CFTR: variants seen among roughly 807,000 people sequenced by gnomAD.
CFTR encodes the protein cystic fibrosis transmembrane conductance regulator.
Under a neutral mutation model 171.6 loss-of-function variants are expected in CFTR, and 181 were observed. That is an observed-to-expected ratio of 1.05 (90% confidence interval 0.93 to 1.19). CFTR has a LOEUF of 1.19. Ranked by LOEUF, CFTR falls within the 50% of genes most tolerant of loss-of-function variation. The pLI, the probability that CFTR is intolerant of heterozygous loss-of-function variation, is 0.00. For missense variants in CFTR, 1,968 were observed against 1,734.7 expected, an observed-to-expected ratio of 1.13 and a Z score of -2.39; for synonymous variants, 583 against 608.0, an observed-to-expected ratio of 0.96 and a Z score of 0.60.
At chr7:117,587,396 G>C (rs1791952731) in intron 11 of CFTR, among the ~76,000 whole-genome samples, 1 of 151,868 alleles carries the variant, frequency 6.6e-6, no homozygotes, top group Non-Finnish European at 1.5e-5. Context: ...TTAGTATGTT[G>C]ATAACATTTG....
intron 24 of CFTR, among the ~76,000 whole-genome samples, chr7:117,660,367 C>T (rs1260197283): frequency 6.6e-6 from 1 of 152,024 alleles, no homozygotes; most frequent in African/African-American, 2.4e-5. Flanking sequence ...CGCAGTGGCT[C>T]ACACTTGTAA....
intron 23 of CFTR, among the ~76,000 whole-genome samples, chr7:117,651,843 G>A (rs1364092503): frequency 1.3e-5 from 2 of 152,062 alleles, no homozygotes; most frequent in Admixed American, 6.6e-5. Flanking sequence ...TGACTTGTGT[G>A]GTTCCTTGTG....
chr7:117,640,854 T>C (rs915969432), intron 22 of CFTR, among the ~76,000 whole-genome samples: 1 of 152,176 alleles, frequency 6.6e-6, no homozygotes, highest in African/African-American at 2.4e-5. Flanking sequence ...CATAAATCCA[T>C]CCATTCTTCC....
chr7:117,606,749 T>C lies in CFTR; in HGVS notation c.2984T>C (p.Ile995Thr). 1 of 1,536,764 alleles carries C rather than the reference T, an allele frequency of 6.5e-7. No individual in the cohort carries two copies. The highest frequency in any genetic ancestry group is 9.0e-7 in the Non-Finnish European group (1 of 1,110,038). ...DLLPLTIFDFIQLLLIVIGAI... is the reference protein window; with the variant it reads ...DLLPLTIFDFTQLLLIVIGAI... ...CTGCCTCTTACCATATTTGACTTCA[T>C]CCAGGTATGTAAAAATAAGTACCGT... is the stretch of plus-strand genomic sequence containing the variant. The change falls in exon 18 of 27, where the codon ATC becomes ACC. Residue 995 changes from isoleucine to threonine, a missense_variant. Ile to Thr is a moderately conservative substitution (Grantham distance 89). Coordinates refer to ENST00000003084, the MANE Select transcript of CFTR (RefSeq NM_000492.4).
intron 3 of CFTR, among the ~76,000 whole-genome samples, chr7:117,516,451 T>C (rs1003470174): frequency 1.3e-5 from 2 of 152,172 alleles, no homozygotes; most frequent in Non-Finnish European, 2.9e-5. Flanking sequence ...AGATAAATGG[T>C]ATTTATCTTA....
chr7:117,606,131 T>C (rs1792296802), intron 17 of CFTR, among the ~76,000 whole-genome samples: 1 of 151,958 alleles, frequency 6.6e-6, no homozygotes, highest in Non-Finnish European at 1.5e-5. Context: ...AGATGACAGG[T>C]TGAAATGTAG....
chr7:117,561,308 T>C (rs896929489), intron 11 of CFTR, among the ~76,000 whole-genome samples: 1 of 145,210 alleles, frequency 6.9e-6, no homozygotes, highest in Admixed American at 6.8e-5. Flanking sequence ...AGGAAGAACA[T>C]CTTTTTTTTT....
intron 23 of CFTR, among the ~76,000 whole-genome samples, chr7:117,649,512 TA>T (rs200487379): frequency 0.025 from 3,351 of 132,670 alleles, 109 homozygotes; most frequent in African/African-American, 0.078. Flanking sequence ...TATATATATA[TA>T]TATATATTTT....
At chr7:117,623,548 TA>T (rs1792611280) in intron 21 of CFTR, among the ~76,000 whole-genome samples, 2 of 152,190 alleles carry the variant, frequency 1.3e-5, no homozygotes, top group South Asian at 4.1e-4. Context: ...TAAGTGAGGT[TA>T]AAAGCTCAAT....
At chr7:117,540,837 G>T (rs1799040271) in intron 8 of CFTR, among the ~76,000 whole-genome samples, 1 of 152,132 alleles carries the variant, frequency 6.6e-6, no homozygotes, top group Non-Finnish European at 1.5e-5. Flanking sequence ...GTTGCAAATG[G>T]TGTCCCATAG....
Position 117,559,655 on chromosome 7 carries a change from G to T in CFTR, c.1584G>T (p.Glu528Asp), listed in dbSNP as rs1800095. ...RSVIKACQLE[E>D]DISKFAEKDN... The stretch of plus-strand genomic sequence containing the variant: ...TCATCAAAGCATGCCAACTAGAAGA[G>T]GTAAGAAACTATGTGAAAACTTTTT... The change falls in exon 11 of 27, where the codon GAG becomes GAT. Residue 528 changes from glutamate to aspartate, a missense_variant and splice_region_variant. Glu to Asp is a conservative substitution (Grantham distance 45). Coordinates refer to ENST00000003084, the MANE Select transcript of CFTR (RefSeq NM_000492.4). 1.9e-6 allele frequency: 3 copies of T among 1,609,882 alleles called. No individual in the cohort carries two copies. In the Admixed American group the frequency reaches 5.0e-5, roughly 27 times the overall value.
At chr7:117,558,426 T>C (rs1026908340) in intron 10 of CFTR, among the ~76,000 whole-genome samples, 1 of 151,942 alleles carries the variant, frequency 6.6e-6, no homozygotes, top group African/African-American at 2.4e-5. Context: ...TGATGGCGGG[T>C]GCCCGTAGTC....
At chr7:117,607,100 C>T (rs1012754639) in intron 18 of CFTR, among the ~76,000 whole-genome samples, 5 of 152,020 alleles carry the variant, frequency 3.3e-5, no homozygotes, top group African/African-American at 1.2e-4. Flanking sequence ...AAGCCAACCT[C>T]CCCCCAAAAG....
At chr7:117,661,632 T>C (rs759869047) in intron 24 of CFTR, among the ~76,000 whole-genome samples, 1 of 152,084 alleles carries the variant, frequency 6.6e-6, no homozygotes, top group Non-Finnish European at 1.5e-5. Context: ...TGAAGGAAAA[T>C]TTTTACAAAG....
At chr7:117,615,423 T>G (rs1792470780) in intron 21 of CFTR, among the ~76,000 whole-genome samples, 2 of 152,042 alleles carry the variant, frequency 1.3e-5, no homozygotes, top group Non-Finnish European at 1.5e-5. Context: ...TTTGGTATCT[T>G]GATTAAGAAC....
At chr7:117,582,294 C>T (rs1356909625) in intron 11 of CFTR, among the ~76,000 whole-genome samples, 1 of 152,082 alleles carries the variant, frequency 6.6e-6, no homozygotes, top group Admixed American at 6.6e-5. Context: ...TTCTGGGTCT[C>T]ACATTATCCA....
chr7:117,567,805 T>A (rs986347015), intron 11 of CFTR, among the ~76,000 whole-genome samples: 5 of 152,192 alleles, frequency 3.3e-5, no homozygotes, highest in African/African-American at 1.2e-4. Context: ...CAAGGAGCTT[T>A]CATTCTAGTA....
chr7:117,590,461 C>T (rs1307518212), intron 13 of CFTR, 22 bp downstream of exon 13: 2 of 1,592,278 alleles, frequency 1.3e-6, no homozygotes, highest in East Asian at 2.3e-5. Context: ...GAATACCTTA[C>T]TTATAATGCT....
At chr7:117,652,674 G>A (rs1793105396) in intron 23 of CFTR, among the ~76,000 whole-genome samples, 168 bp from the exon 24 acceptor site, 1 of 152,020 alleles carries the variant, frequency 6.6e-6, no homozygotes, top group African/African-American at 2.4e-5. Context: ...ATGATACAAA[G>A]CAGACATGAT....
Sources: gnomAD v4.1 joint callset for allele counts (sites outside exome capture counted in the v4.1 genomes callset) on GRCh38, gnomAD v4.1.1 for gene constraint, MANE v1.5 for transcripts, NCBI Gene and HGNC (gene_info 2026-07-23, HGNC 2026-07-21) for gene names.